TXNRD3: variants seen among roughly 807,000 people sequenced by gnomAD.
TXNRD3 encodes thioredoxin reductase 3.
Under a neutral mutation model 78.2 loss-of-function variants are expected in TXNRD3, and 68 were observed. That is an observed-to-expected ratio of 0.87 (90% CI 0.72 to 1.06). TXNRD3 has a LOEUF of 1.06. TXNRD3 is among the 50% of genes least tolerant of loss of function. The pLI is 0.00. For synonymous variants in TXNRD3, 296 were observed against 300.1 expected (o/e 0.99, Z 0.14); for missense variants, 751 against 809.5 (o/e 0.93, Z 0.88).
At chr3:126,646,467 A>T (rs1320456714) in intron 2 of TXNRD3, among the ~76,000 whole-genome samples, 1 of 152,212 alleles carries the variant, frequency 6.6e-6, no homozygotes, top group African/African-American at 2.4e-5. Flanking sequence ...TTGACATATT[A>T]TTCAGTGACT....
intron 1 of TXNRD3, among the ~76,000 whole-genome samples, chr3:126,653,665 G>A (rs959650312): frequency 1.3e-5 from 2 of 152,242 alleles, no homozygotes; most frequent in Non-Finnish European, 2.9e-5. Flanking sequence ...TAGAAATCAT[G>A]CATCCTTTAT....
chr3:126,652,648 G>A (rs1933417216), intron 1 of TXNRD3, among the ~76,000 whole-genome samples: 3 of 152,200 alleles, frequency 2.0e-5, no homozygotes, highest in South Asian at 4.1e-4. Flanking sequence ...GCTAATTGGT[G>A]TATCTACATT....
At chr3:126,636,841 T>A (rs942147920) in intron 6 of TXNRD3, among the ~76,000 whole-genome samples, 1 of 152,168 alleles carries the variant, frequency 6.6e-6, no homozygotes, top group Non-Finnish European at 1.5e-5. Flanking sequence ...CTGTGGCCCA[T>A]GGGCTGCAGG....
chr3:126,612,384 G>A (rs1159572845), intron 13 of TXNRD3, among the ~76,000 whole-genome samples: 1 of 152,080 alleles, frequency 6.6e-6, no homozygotes, highest in Non-Finnish European at 1.5e-5. Flanking sequence ...GCAGCTACTA[G>A]AAATAGACAT....
intron 12 of TXNRD3, among the ~76,000 whole-genome samples, chr3:126,620,410 C>T (rs1034445898): frequency 2.6e-5 from 4 of 151,702 alleles, no homozygotes; most frequent in Non-Finnish European, 5.9e-5. Context: ...ACTGCAGTTA[C>T]GGAGGTAAAC....
At chr3:126,650,003 T>C (rs1391281070) in intron 1 of TXNRD3, among the ~76,000 whole-genome samples, 3 of 152,250 alleles carry the variant, frequency 2.0e-5, no homozygotes, top group East Asian at 1.9e-4. Flanking sequence ...GTAAGTTTTA[T>C]GTTATGTGAA....
At chr3:126,644,581 G>C (rs565139209) in intron 3 of TXNRD3, among the ~76,000 whole-genome samples, 180 bp from the exon 4 acceptor site, 4 of 152,320 alleles carry the variant, frequency 2.6e-5, no homozygotes, top group Non-Finnish European at 4.4e-5. Flanking sequence ...GGTCCAACTA[G>C]TTAGAACTTA....
intron 1 of TXNRD3, among the ~76,000 whole-genome samples, chr3:126,648,460 A>G (rs937399167): frequency 6.6e-6 from 1 of 152,240 alleles, no homozygotes; most frequent in African/African-American, 2.4e-5. Flanking sequence ...ACAAAGATAC[A>G]GTAATCAAAA....
intron 10 of TXNRD3, among the ~76,000 whole-genome samples, chr3:126,628,423 C>T (rs968078686): frequency 5.9e-5 from 9 of 152,020 alleles, no homozygotes; most frequent in Non-Finnish European, 1.2e-4. Context: ...AATGTGTACA[C>T]AGGAAATCTG....
chr3:126,623,571 T>C (rs1278621306), intron 10 of TXNRD3, among the ~76,000 whole-genome samples: 4 of 152,198 alleles, frequency 2.6e-5, no homozygotes, highest in Admixed American at 6.5e-5. Context: ...TAATTCATCA[T>C]ATTAACAGAA....
chr3:126,654,746 A>G lies in TXNRD3; in HGVS notation c.243+2T>C. ...GGTGGAACCGGCGAGGGCCGCGCCT[A>G]CCCGAGTACTATGGGGACAGTAGCT... On this transcript the variant is annotated splice_donor_variant, in intron 1 of 15. Transcript: ENST00000524230. LOFTEE classifies it high-confidence loss of function. 1 of 1,344,156 alleles carries G rather than the reference A, an allele frequency of 7.4e-7. No homozygotes were observed. Among genetic ancestry groups the G allele is most frequent in the Non-Finnish European group, 9.6e-7 (1 of 1,047,108 alleles). The allele number at this position is 1,344,156 out of a possible 1,614,324, so 83.3% of individuals were successfully genotyped here. A position where few individuals can be genotyped will look rare whatever the true frequency, so the allele number is the denominator to read the frequency against.
chr3:126,648,416 A>G (rs909989704), intron 1 of TXNRD3, among the ~76,000 whole-genome samples: 4 of 152,238 alleles, frequency 2.6e-5, no homozygotes, highest in Non-Finnish European at 5.9e-5. Flanking sequence ...GAATAACCAG[A>G]ACAATCTTGT....
intron 10 of TXNRD3, among the ~76,000 whole-genome samples, chr3:126,628,770 A>G (rs1024769520): frequency 1.3e-5 from 2 of 152,106 alleles, no homozygotes; most frequent in Non-Finnish European, 2.9e-5. Flanking sequence ...ATCCAATCCA[A>G]TCCTAATCAA....
chr3:126,621,817 C>A lies in TXNRD3; in HGVS notation c.1449G>T (p.Lys483Asn). The change falls in exon 12 of 16, where the codon AAG (lysine) becomes AAT (asparagine). Residue 483 changes from lysine (K) to asparagine (N), a missense_variant. Physicochemically the swap from Lys to Asn is moderately conservative, Grantham distance 94. Transcript: ENST00000524230. ...GTATGGCGACAGGAGTGAGCTCTGG[C>A]TTATCCTCCAAAATATCACCAACAG... 1 of 1,535,852 alleles carries A rather than the reference C, an allele frequency of 6.5e-7. No individual in the cohort carries two copies. The highest frequency in any genetic ancestry group is 1.4e-5 in the African/African-American group (1 of 73,112).
At chr3:126,627,401 G>A (rs545489055) in intron 10 of TXNRD3, among the ~76,000 whole-genome samples, 2 of 152,248 alleles carry the variant, frequency 1.3e-5, no homozygotes, top group South Asian at 4.2e-4. Context: ...CTTGGGGGTC[G>A]ATGACTGGGA....
Position 126,608,581 on chromosome 3 carries a change from T to TG in TXNRD3, c.1780dup (p.Gln594ProfsTer17), listed in dbSNP as rs776906429. On this transcript the variant is annotated frameshift_variant, in exon 15 of 16. Transcript: ENST00000524230. LOFTEE classifies it high-confidence loss of function. ...ACATTTCATTGCAGCTGCAAATCCTTGGGTAACCTCACCGGCGTTTGGTCC... is the reference window on the plus strand; with the variant it reads ...ACATTTCATTGCAGCTGCAAATCCTTGGGGTAACCTCACCGGCGTTTGGTCC... 1.6e-5 allele frequency: 24 copies of TG among 1,536,016 alleles called. No homozygotes were observed. The South Asian group carries it at 2.7e-4, about 18-fold the overall frequency.
chr3:126,614,669 C>A (rs1938271634), intron 13 of TXNRD3, among the ~76,000 whole-genome samples: 1 of 152,142 alleles, frequency 6.6e-6, no homozygotes, highest in African/African-American at 2.4e-5. Context: ...TTTCTTAAAT[C>A]CTTAGGCCAT....
At chr3:126,611,545 A>G (rs571273998) in intron 13 of TXNRD3, among the ~76,000 whole-genome samples, 67 of 152,190 alleles carry the variant, frequency 4.4e-4, no homozygotes, top group African/African-American at 1.6e-3. Context: ...AAGAAATAAA[A>G]CCGCTCCAGC....
In TXNRD3 at chr3:126,607,875, T is replaced by C. The variant is rs1938086084; in HGVS notation, c.*30A>G. ...TTCTTATCTTTGAGAGAAATGAGAA[T>C]ATGACAAGGAGAACTAAACAGCAGC... On this transcript the variant is annotated 3_prime_UTR_variant, in exon 16 of 16. Transcript: ENST00000524230. 1.3e-6 allele frequency: 2 copies of C among 1,481,538 alleles called. No homozygotes were observed. Among genetic ancestry groups the C allele is most frequent in the Non-Finnish European group, 1.8e-6 (2 of 1,106,062 alleles). The allele number at this position is 1,481,538 out of a possible 1,614,324, so 91.8% of individuals were successfully genotyped here. A position where few individuals can be genotyped will look rare whatever the true frequency, so the allele number is the denominator to read the frequency against.
Sources: allele counts gnomAD v4.1 joint callset (sites outside exome capture counted in the v4.1 genomes callset), GRCh38; gene constraint gnomAD v4.1.1; transcripts MANE v1.5; gene names NCBI Gene and HGNC (gene_info 2026-07-23, HGNC 2026-07-21).